Variants in ACE observed in about 807,000 individuals in gnomAD.
ACE encodes angiotensin-converting enzyme.
In ACE, 122 loss-of-function variants were observed where a neutral mutation model predicts 162.3. That is an observed-to-expected ratio of 0.75 (90% confidence interval 0.65 to 0.87). ACE has a LOEUF of 0.87. Ranked by LOEUF, ACE falls within the 40% of genes least tolerant of loss-of-function variation. The pLI is 0.00. For synonymous variants in ACE, 796 were observed against 720.6 expected, an observed-to-expected ratio of 1.10 and a Z score of -1.68; for missense variants, 1,799 against 1,735.1, an observed-to-expected ratio of 1.04 and a Z score of -0.65.
Position 63,487,074 on chromosome 17 carries a change from G to T in ACE, c.2305+1G>T, listed in dbSNP as rs1160180259. 1 of 1,613,190 alleles carries T rather than the reference G, an allele frequency of 6.2e-7. No homozygotes were observed. The highest frequency in any genetic ancestry group is 1.3e-5 in the African/African-American group (1 of 74,936). On this transcript the variant is annotated splice_donor_variant, in intron 15 of 24. Coordinates refer to ENST00000290866, the MANE Select transcript of ACE (RefSeq NM_000789.4). LOFTEE classifies it high-confidence loss of function. ...GGCAGCTGCCTGCAGCTCGAGCCAG[G>T]TGAGAGCTCATGTGCAGGCTGAGTG...
chr17:63,488,796 G>A lies in ACE; in HGVS notation c.2449+5G>A. ...ACCAGGCTGCCCGGCTCAATGGTGA[G>A]TCCCTGCTGCCAACATCACTGGCAC... On this transcript the variant is annotated splice_donor_5th_base_variant and intron_variant, in intron 16 of 24. Transcript: ENST00000290866. The A allele has an allele frequency of 1.2e-6, 2 of 1,614,040 alleles. No homozygotes were observed. Among genetic ancestry groups the A allele is most frequent in the Non-Finnish European group, 1.7e-6 (2 of 1,180,024 alleles).
At chr17:63,480,236 A>G in intron 4 of ACE, 101 bp from the exon 5 acceptor site, 1 of 1,294,896 alleles carries the variant, frequency 7.7e-7, no homozygotes, top group Non-Finnish European at 1.1e-6. Flanking sequence ...AGCTAGCTGC[A>G]GATCCACGGG....
chr17:63,487,312 G>T lies in ACE; in HGVS notation c.2305+239G>T, dbSNP rs978851745. On this transcript the variant is annotated intron_variant, in intron 15 of 24. Transcript: ENST00000290866. ...TCAGAACCGCCCTCTGCTTAAGGGT[G>T]TCCACTCTCTCCTGTCCTCTCTGCA... Among the ~76,000 whole-genome samples the T allele has an allele frequency of 5.9e-5, 9 of 152,062 alleles. 1 individual carries two copies. The highest frequency in any genetic ancestry group is 2.2e-4 in the African/African-American group (9 of 41,402).
In ACE at chr17:63,493,322, G is replaced by A. The variant is rs1023758933; in HGVS notation, c.2913-114G>A. Reference sequence around the variant, plus strand: ...CCCTCCCCACAGTGCTGTGTCCCCTGCATGCTGCAGTGCTGGGGTCTGCCC... The same window carrying A: ...CCCTCCCCACAGTGCTGTGTCCCCTACATGCTGCAGTGCTGGGGTCTGCCC... On this transcript the variant is annotated intron_variant, in intron 19 of 24. Coordinates refer to ENST00000290866, the MANE Select transcript of ACE (RefSeq NM_000789.4). 6 of 983,648 alleles carry A rather than the reference G, an allele frequency of 6.1e-6. No homozygotes were observed. In the African/African-American group the frequency reaches 9.6e-5, roughly 16 times the overall value. 60.9% of individuals were successfully genotyped at this position (983,648 alleles called of 1,614,324 possible). A position where few individuals can be genotyped will look rare whatever the true frequency, so the allele number is the denominator to read the frequency against.
intron 8 of ACE, 45 bp downstream of exon 8, chr17:63,482,734 C>A: frequency 6.3e-7 from 1 of 1,575,596 alleles, no homozygotes. Flanking sequence ...ACCTAAACCC[C>A]GCTCCACCCC....
rs1405848294 is a variant in ACE at position 63,482,514 on chromosome 17, C to A, written c.1167C>A (p.His389Gln). Reference sequence around the variant, plus strand: ...CGATGGACCAGCTCTCCACAGTGCACCATGAGATGGGCCATATACAGTACT... The same window carrying A: ...CGATGGACCAGCTCTCCACAGTGCAACATGAGATGGGCCATATACAGTACT... ...RVTMDQLSTV[H>Q]HEMGHIQYYL... The change falls in exon 8 of 25, where the codon CAC (histidine) becomes CAA (glutamine). Residue 389 changes from histidine (H) to glutamine (Q), a missense_variant. By Grantham distance (24) the His-to-Gln change is conservative. Coordinates refer to ENST00000290866, the MANE Select transcript of ACE (RefSeq NM_000789.4). 1 of 1,613,952 alleles carries A rather than the reference C, an allele frequency of 6.2e-7. No individual in the cohort carries two copies.
intron 13 of ACE, 152 bp from the exon 14 acceptor site, chr17:63,486,405 A>G (rs763199403): frequency 1.2e-6 from 1 of 815,892 alleles, no homozygotes; most frequent in Non-Finnish European, 2.0e-6. Flanking sequence ...ATCAGCGTCC[A>G]GCTTGCAGAG....
rs763151946 is a variant in ACE at position 63,477,228 on chromosome 17, G to A, written c.134G>A (p.Gly45Glu). 1 of 1,502,148 alleles carries A rather than the reference G, an allele frequency of 6.7e-7. No homozygotes were observed. The highest frequency in any genetic ancestry group is 8.9e-7 in the Non-Finnish European group (1 of 1,129,232). 93.1% of individuals were successfully genotyped at this position (1,502,148 alleles called of 1,614,324 possible). A position where few individuals can be genotyped will look rare whatever the true frequency, so the allele number is the denominator to read the frequency against. The part of the protein sequence containing the change: ...QPGNFSADEA[G>E]AQLFAQSYNS... ...GGCAACTTTTCTGCTGACGAGGCCG[G>A]GGCGCAGCTCTTCGCGCAGAGCTAC... Residue 45 changes from glycine (G) to glutamate (E), a missense_variant, in exon 1 of 25, where the codon GGG becomes GAG. By Grantham distance (98) the Gly-to-Glu change is moderately conservative (BLOSUM62 -2). Coordinates refer to ENST00000290866, the MANE Select transcript of ACE (RefSeq NM_000789.4).
rs4363 is a variant in ACE at position 63,497,131 on chromosome 17, G to A, written c.3692-6G>A. ...TGCCCATGCTGTCTCCTTGCTTCCC[G>A]CTCAGCTCGCTCAGAAGGGCCCCTC... On this transcript the variant is annotated splice_region_variant and splice_polypyrimidine_tract_variant and intron_variant, in intron 24 of 24. Coordinates refer to ENST00000290866, the MANE Select transcript of ACE (RefSeq NM_000789.4). The A allele has an allele frequency of 0.49, 787,131 of 1,600,104 alleles. 195,701 individuals carry two copies. The highest frequency in any genetic ancestry group is 0.61 in the South Asian group (54,741 of 90,282).
rs184986265 is a variant in ACE, at chr17:63,492,078, G to C, written c.2912+697G>C. Among the ~76,000 whole-genome samples, 413 of 152,280 alleles carry C rather than the reference G, an allele frequency of 2.7e-3. 2 individuals carry two copies. Among genetic ancestry groups the C allele is most frequent in the African/African-American group, 9.7e-3 (402 of 41,548 alleles). ...GCAGATGCTGGGGCACATGTTCCCAGTGGCCTCTTGGCTCACATGTTGGGT... is the reference window on the plus strand; with the variant it reads ...GCAGATGCTGGGGCACATGTTCCCACTGGCCTCTTGGCTCACATGTTGGGT... On this transcript the variant is annotated intron_variant, in intron 19 of 24. Transcript: ENST00000290866.
At chr17:63,478,670 A>AG (rs958296718) in intron 2 of ACE, 22 of 398,344 alleles carry the variant, frequency 5.5e-5, no homozygotes, top group African/African-American at 4.5e-4. Context: ...CCCAAAAAAA[A>AG]GAGAGAGAGA....
At position 63,488,947 on chromosome 17, in the gene ACE, T is replaced by C. The variant is rs1568043314; in HGVS notation, c.2456T>C (p.Val819Ala). The C allele has an allele frequency of 6.2e-7, 1 of 1,614,092 alleles. No individual in the cohort carries two copies. Among genetic ancestry groups the C allele is most frequent in the Non-Finnish European group, 8.5e-7 (1 of 1,180,018 alleles). ...GGCTGTGTCCCCTCTGTAGGCTATG[T>C]AGATGCAGGGGACTCGTGGAGGTCT... ...INQAARLNGY[V>A]DAGDSWRSMY... Residue 819 changes from valine to alanine, a missense_variant, in exon 17 of 25, where the codon GTA (valine) becomes GCA (alanine). Val to Ala is a moderately conservative substitution (Grantham distance 64). Transcript: ENST00000290866.
rs754541145 is a variant in ACE at position 63,496,387 on chromosome 17, G to A, written c.3381-7G>A. ...CCGCCCCGGGCCACGGCCTCGCTCTGCTCCAGGTACTTTGTCAGCTTCATC... is the reference window on the plus strand; with the variant it reads ...CCGCCCCGGGCCACGGCCTCGCTCTACTCCAGGTACTTTGTCAGCTTCATC... On this transcript the variant is annotated splice_polypyrimidine_tract_variant and splice_region_variant and intron_variant, in intron 22 of 24. Coordinates refer to ENST00000290866, the MANE Select transcript of ACE (RefSeq NM_000789.4). 6.2e-7 allele frequency: 1 copy of A among 1,614,192 alleles called. No individual in the cohort carries two copies. Among genetic ancestry groups the A allele is most frequent in the Admixed American group, 1.7e-5 (1 of 60,034 alleles).
chr17:63,478,270 G>A (rs1599137399), intron 2 of ACE, 172 bp downstream of exon 2: 1 of 840,136 alleles, frequency 1.2e-6, no homozygotes. Context: ...ATTTTTCTTG[G>A]AGATGGGGTG....
chr17:63,480,678 A>G, intron 5 of ACE, 150 bp downstream of exon 5: 1 of 917,338 alleles, frequency 1.1e-6, no homozygotes, highest in South Asian at 1.4e-5. Context: ...CATGCAGGAG[A>G]CCATTCGTGT....
intron 22 of ACE, 23 bp from the exon 23 acceptor site, chr17:63,496,371 G>C: frequency 6.2e-7 from 1 of 1,614,094 alleles, no homozygotes; most frequent in South Asian, 1.1e-5. Context: ...TCCGCCCCGG[G>C]CCACGGCCTC....
intron 10 of ACE, 87 bp from the exon 11 acceptor site, chr17:63,483,762 C>A: frequency 6.2e-7 from 1 of 1,607,340 alleles, no homozygotes; most frequent in Non-Finnish European, 8.5e-7. Context: ...CAGCCTCTGC[C>A]CTGCAGGAAG....
chr17:63,497,836 C>T lies in ACE; in HGVS notation c.*470C>T. The T allele has an allele frequency of 5.8e-6, 2 of 341,974 alleles. No individual in the cohort carries two copies. The highest frequency in any genetic ancestry group is 2.4e-5 in the South Asian group (1 of 42,438). The allele number at this position is 341,974 out of a possible 1,614,324, so 21.2% of individuals were successfully genotyped here. On this transcript the variant is annotated 3_prime_UTR_variant, in exon 25 of 25. Transcript: ENST00000290866. ...GCCACTGTCCTGCCACCGCAGGCAG[C>T]CCCTGTCTGGCCCAAGCACTGACCC... is the stretch of plus-strand genomic sequence containing the variant.
In ACE at chr17:63,488,933, C is replaced by T; in HGVS notation, c.2450-8C>T. ...TGTTGGGAGAGCCTGGCTGTGTCCC[C>T]TCTGTAGGCTATGTAGATGCAGGGG... On this transcript the variant is annotated splice_polypyrimidine_tract_variant and splice_region_variant and intron_variant, in intron 16 of 24. Transcript: ENST00000290866. 6.2e-7 allele frequency: 1 copy of T among 1,614,022 alleles called. No individual in the cohort carries two copies. The highest frequency in any genetic ancestry group is 8.5e-7 in the Non-Finnish European group (1 of 1,180,028).
Sources: gnomAD v4.1 joint callset for allele counts (sites outside exome capture counted in the v4.1 genomes callset) on GRCh38, gnomAD v4.1.1 for gene constraint, MANE v1.5 for transcripts, NCBI Gene and HGNC (gene_info 2026-07-23, HGNC 2026-07-21) for gene names.